The following AK8 variants were observed in gnomAD, a reference collection of about 807,000 sequenced individuals.
AK8 encodes adenylate kinase 8, also known as ATP-AMP transphosphorylase 8.
Under a neutral mutation model 54.6 loss-of-function variants are expected in AK8, and 44 were observed. The observed-to-expected ratio is 0.81, with a 90% CI of 0.63 to 1.04. AK8 has a LOEUF of 1.04. Among genes scored for constraint, AK8 ranks in the 50% least tolerant of loss-of-function variants. The pLI is 0.00. For missense variants in AK8, 555 were observed against 613.6 expected (o/e 0.90, Z 1.01); for synonymous variants, 239 against 245.6 (o/e 0.97, Z 0.25).
Position 132,727,461 on chromosome 9 carries a change from C to A in AK8, c.1195G>T (p.Gly399Trp), listed in dbSNP as rs1407695839. 3.1e-6 allele frequency: 5 copies of A among 1,614,138 alleles called. No individual in the cohort carries two copies. In the South Asian group the frequency reaches 5.5e-5, roughly 18 times the overall value. The change falls in exon 12 of 13, where the codon GGG (glycine) becomes TGG (tryptophan). Residue 399 changes from glycine to tryptophan, a missense_variant. Gly to Trp is a radical substitution (Grantham distance 184, BLOSUM62 -2). Coordinates refer to ENST00000298545, the MANE Select transcript of AK8 (RefSeq NM_152572.3). Reference protein sequence around the residue: ...LTLRRIDPVTGERYHLMYKPP... With the variant: ...LTLRRIDPVTWERYHLMYKPP... ...CAGGAACACAGCACAAACCTTTCCCCAGTGACTGGATCAATTCTTCTCAGA... is the reference window on the plus strand; with the variant it reads ...CAGGAACACAGCACAAACCTTTCCCAAGTGACTGGATCAATTCTTCTCAGA...
intron 11 of AK8, among the ~76,000 whole-genome samples, chr9:132,750,310 G>A (rs1459085243): frequency 2.0e-5 from 3 of 152,038 alleles, no homozygotes; most frequent in East Asian, 3.9e-4. Context: ...GTAGAGATGG[G>A]GTTTCACCAT....
chr9:132,779,428 C>T (rs150901573), intron 11 of AK8, among the ~76,000 whole-genome samples: 54 of 152,360 alleles, frequency 3.5e-4, no homozygotes, highest in Non-Finnish European at 7.5e-4. Context: ...CTCAAGCAAT[C>T]CTCCTACCTC....
chr9:132,750,618 T>C (rs558097833), intron 11 of AK8, among the ~76,000 whole-genome samples: 1 of 152,028 alleles, frequency 6.6e-6, no homozygotes, highest in Non-Finnish European at 1.5e-5. Context: ...AAGCTCTTAC[T>C]TGTGGACTAG....
chr9:132,766,911 A>G (rs577229731), intron 11 of AK8, among the ~76,000 whole-genome samples: 82 of 152,334 alleles, frequency 5.4e-4, no homozygotes, highest in African/African-American at 1.8e-3. Context: ...GGAGCTGGGA[A>G]AACTGGATAT....
At chr9:132,854,759 C>A (rs1843110312) in intron 5 of AK8, 98 bp downstream of exon 5, 1 of 1,348,450 alleles carries the variant, frequency 7.4e-7, no homozygotes, top group Non-Finnish European at 1.1e-6. Context: ...CTTACCTTCT[C>A]TTATGCCTCT....
chr9:132,727,604 G>A, intron 11 of AK8, 70 bp from the exon 12 acceptor site: 1 of 1,446,934 alleles, frequency 6.9e-7, no homozygotes, highest in Non-Finnish European at 9.6e-7. Flanking sequence ...GACATCCTGG[G>A]GTCTTGAGAA....
At chr9:132,812,540 G>GATGACGGGTGAGCCGCCGCGCCCACTGGC in intron 10 of AK8, among the ~76,000 whole-genome samples, 1 of 150,838 alleles carries the variant, frequency 6.6e-6, no homozygotes, top group Admixed American at 6.6e-5. Flanking sequence ...TGCCCACTGG[G>GATGACGGGTGAGCCGCCGCGCCCACTGGC]ATGACGGGTG....
intron 11 of AK8, among the ~76,000 whole-genome samples, chr9:132,752,230 T>A (rs1837962105): frequency 6.6e-6 from 1 of 151,908 alleles, no homozygotes. Flanking sequence ...GGAAATATTT[T>A]TACTTAGCTA....
At position 132,777,255 on chromosome 9, in the gene AK8, T is replaced by C. The variant is rs556355182; in HGVS notation, c.1121+15379A>G. Among the ~76,000 whole-genome samples, 6 of 152,260 alleles carry C rather than the reference T, an allele frequency of 3.9e-5. No individual in the cohort carries two copies. The East Asian group carries it at 1.2e-3, about 29-fold the overall frequency. ...GCCCTCAAAATATTAGGAATAAATATGGTCACACGGGTGGAGCCCCTATTG... is the reference window on the plus strand; with the variant it reads ...GCCCTCAAAATATTAGGAATAAATACGGTCACACGGGTGGAGCCCCTATTG... On this transcript the variant is annotated intron_variant, in intron 11 of 12. Coordinates refer to ENST00000298545, the MANE Select transcript of AK8 (RefSeq NM_152572.3).
In AK8 at chr9:132,781,951, G is replaced by A. The variant is rs1839489191; in HGVS notation, c.1121+10683C>T. Among the ~76,000 whole-genome samples, 1 of 152,194 alleles carries A rather than the reference G, an allele frequency of 6.6e-6. No homozygotes were observed. The highest frequency in any genetic ancestry group is 2.4e-5 in the African/African-American group (1 of 41,440). On this transcript the variant is annotated intron_variant, in intron 11 of 12. Coordinates refer to ENST00000298545, the MANE Select transcript of AK8 (RefSeq NM_152572.3). The surrounding 1 kb of genome is among the most constrained non-coding windows in gnomAD (Gnocchi z 4.6). Reference sequence around the variant, plus strand: ...GATGGAAGAGACAGAGATGAGAAAGGAGGAAGGAAAATATACCTTCAATGA... The same window carrying A: ...GATGGAAGAGACAGAGATGAGAAAGAAGGAAGGAAAATATACCTTCAATGA...
At chr9:132,804,021 G>C (rs935177002) in intron 10 of AK8, among the ~76,000 whole-genome samples, 1 of 149,878 alleles carries the variant, frequency 6.7e-6, no homozygotes, top group African/African-American at 2.5e-5. Context: ...CAGGAGAATC[G>C]CTTGAACCCA....
chr9:132,789,284 A>C (rs925913869), intron 11 of AK8, among the ~76,000 whole-genome samples: 1 of 149,632 alleles, frequency 6.7e-6, no homozygotes, highest in Admixed American at 6.7e-5. Context: ...ACAGAGCGAG[A>C]CTCTGTCTCA....
chr9:132,755,380 G>A (rs945395052), intron 11 of AK8, among the ~76,000 whole-genome samples: 6 of 152,214 alleles, frequency 3.9e-5, no homozygotes, highest in African/African-American at 1.2e-4. Context: ...GCCTCGACCC[G>A]TCCCACCTGA....
intron 9 of AK8, among the ~76,000 whole-genome samples, chr9:132,818,861 A>C (rs1841451815): frequency 6.6e-6 from 1 of 152,098 alleles, no homozygotes. Context: ...AAAAAAAAAA[A>C]GTGAGACCCA....
In AK8 at chr9:132,875,148, T is replaced by C. The variant is rs146105738; in HGVS notation, c.136A>G (p.Met46Val). 17 of 1,614,140 alleles carry C rather than the reference T, an allele frequency of 1.1e-5. No individual in the cohort carries two copies. The African/African-American group carries it at 1.5e-4, about 14-fold the overall frequency. ...TTGTCTCTATGCAAGTGCTGGATCATGAAGGGGATGGGATCTTCGGGCTGG... is the reference window on the plus strand; with the variant it reads ...TTGTCTCTATGCAAGTGCTGGATCACGAAGGGGATGGGATCTTCGGGCTGG... ...IHQPEDPIPF[M>V]IQHLHRDNDN... Residue 46 changes from methionine (M) to valine (V), a missense_variant, in exon 2 of 13, where the codon ATG (methionine) becomes GTG (valine). Coordinates refer to ENST00000298545, the MANE Select transcript of AK8 (RefSeq NM_152572.3).
At chr9:132,737,051 C>T (rs1837156286) in intron 11 of AK8, among the ~76,000 whole-genome samples, 1 of 151,860 alleles carries the variant, frequency 6.6e-6, no homozygotes, top group East Asian at 1.9e-4. Flanking sequence ...TGGAGATGAG[C>T]GGTGGTGATG....
chr9:132,765,313 A>AAAAAG (rs1282305418), intron 11 of AK8, among the ~76,000 whole-genome samples: 9 of 150,950 alleles, frequency 6.0e-5, no homozygotes, highest in Admixed American at 4.0e-4. Flanking sequence ...AAAAAAAAAA[A>AAAAAG]AGAGAATTCA....
chr9:132,772,969 A>G (rs981489816), intron 11 of AK8, among the ~76,000 whole-genome samples: 2 of 152,090 alleles, frequency 1.3e-5, no homozygotes, highest in African/African-American at 4.8e-5. Context: ...CCCCCTGCCT[A>G]CAGCCCTTTC....
intron 11 of AK8, among the ~76,000 whole-genome samples, chr9:132,761,825 CCTCT>C (rs1042762680): frequency 6.0e-5 from 9 of 149,152 alleles, no homozygotes; most frequent in African/African-American, 9.9e-5. Context: ...TCTCTCTCTC[CCTCT>C]CTCTCTCTTT....
Sources: allele counts gnomAD v4.1 joint callset (sites outside exome capture counted in the v4.1 genomes callset), GRCh38; gene constraint gnomAD v4.1.1; non-coding constraint Gnocchi (gnomAD v3.1); transcripts MANE v1.5; gene names NCBI Gene and HGNC (gene_info 2026-07-23, HGNC 2026-07-21).